The following RASAL2 variants were observed in gnomAD, a reference collection of about 807,000 sequenced individuals.
RASAL2 encodes RAS protein activator like 2, also known as ras GTPase-activating protein nGAP.
RASAL2 carries 58 observed loss-of-function variants against 128.9 expected under a neutral mutation model. The observed-to-expected ratio is 0.45, with a 90% confidence interval of 0.36 to 0.56. The LOEUF (loss-of-function observed/expected upper bound fraction) is 0.56. Among genes scored for constraint, RASAL2 ranks in the 20% least tolerant of loss-of-function variants. The pLI, the probability that RASAL2 is intolerant of heterozygous loss-of-function variation, is 0.00. For synonymous variants in RASAL2, 561 were observed against 580.8 expected (o/e 0.97, Z 0.49); for missense variants, 1,360 against 1,601.6 (o/e 0.85, Z 2.57).
chr1:178,125,960 G>T (rs1194429344), intron 1 of RASAL2, among the ~76,000 whole-genome samples: 3 of 152,198 alleles, frequency 2.0e-5, no homozygotes, highest in African/African-American at 4.8e-5. Flanking sequence ...AAGGGCTGGT[G>T]CTAGGCATTG....
At chr1:178,127,437 A>G (rs1204348692) in intron 1 of RASAL2, among the ~76,000 whole-genome samples, 1 of 152,010 alleles carries the variant, frequency 6.6e-6, no homozygotes, top group Non-Finnish European at 1.5e-5. Flanking sequence ...AACAGCAGTA[A>G]CTCTTTCTTT....
intron 3 of RASAL2, among the ~76,000 whole-genome samples, chr1:178,383,880 G>C (rs1041396067): frequency 1.3e-5 from 2 of 152,194 alleles, no homozygotes; most frequent in Non-Finnish European, 2.9e-5. Flanking sequence ...AGATTATAGT[G>C]AAGTGGACTC....
chr1:178,327,814 G>T (rs1288899931), intron 3 of RASAL2, among the ~76,000 whole-genome samples: 1 of 151,794 alleles, frequency 6.6e-6, no homozygotes, highest in Non-Finnish European at 1.5e-5. Flanking sequence ...GAACATCCTG[G>T]ATATCTAGGT....
intron 12 of RASAL2, 195 bp from the exon 13 acceptor site, chr1:178,456,526 T>G (rs1677784208): frequency 5.9e-6 from 4 of 673,222 alleles, no homozygotes; most frequent in Non-Finnish European, 1.1e-5. Flanking sequence ...TTGTTTCGCC[T>G]CCTCCATTCA....
intron 1 of RASAL2, among the ~76,000 whole-genome samples, chr1:178,194,999 A>G (rs1662612246): frequency 6.6e-6 from 1 of 152,238 alleles, no homozygotes; most frequent in Non-Finnish European, 1.5e-5. Flanking sequence ...TTTGAAGGGT[A>G]ATTTTGAATG....
chr1:178,269,842 T>G (rs904991662), intron 1 of RASAL2, among the ~76,000 whole-genome samples: 4 of 152,192 alleles, frequency 2.6e-5, no homozygotes, highest in Non-Finnish European at 5.9e-5. Flanking sequence ...TTGCTTTCAT[T>G]TTGCACTGCG....
At chr1:178,221,339 T>G (rs1274134095) in intron 1 of RASAL2, among the ~76,000 whole-genome samples, 3 of 152,190 alleles carry the variant, frequency 2.0e-5, no homozygotes, top group Non-Finnish European at 2.9e-5. Context: ...TTTTCTAGTA[T>G]CCTAAGGTAG....
intron 1 of RASAL2, among the ~76,000 whole-genome samples, chr1:178,260,242 A>T (rs1665609844): frequency 6.7e-6 from 1 of 148,766 alleles, no homozygotes; most frequent in South Asian, 2.2e-4. Context: ...AATCCCAGCC[A>T]CTTGGGAGGC....
intron 1 of RASAL2, among the ~76,000 whole-genome samples, chr1:178,172,028 A>G (rs1243929186): frequency 6.6e-6 from 1 of 150,876 alleles, no homozygotes; most frequent in Non-Finnish European, 1.5e-5. Flanking sequence ...CCATTCATTC[A>G]TTCATTGATA....
intron 2 of RASAL2, among the ~76,000 whole-genome samples, chr1:178,287,483 G>T (rs1348632651): frequency 6.6e-6 from 1 of 151,862 alleles, no homozygotes; most frequent in Non-Finnish European, 1.5e-5. Context: ...CCTACTCCTG[G>T]CTATCTACCC....
At chr1:178,345,638 A>C (rs546384179) in intron 3 of RASAL2, among the ~76,000 whole-genome samples, 25 of 152,258 alleles carry the variant, frequency 1.6e-4, no homozygotes, top group African/African-American at 4.8e-4. Flanking sequence ...GAGTCAGATC[A>C]GAGAAGGTAA....
rs557313898 is a variant in RASAL2, at chr1:178,346,485, C to T, written c.458-43615C>T. 1.1e-4 allele frequency among the ~76,000 whole-genome samples: 16 copies of T among 152,074 alleles called. No individual in the cohort carries two copies. The South Asian group carries it at 1.7e-3, about 16-fold the overall frequency. On this transcript the variant is annotated intron_variant, in intron 3 of 17. Transcript: ENST00000367649. ...TATTTTCCTTGAAGCATTTTTCCTC[C>T]ACCTGAAGTCCAGTGAAATGTCACT...
chr1:178,227,608 C>T (rs930766903), intron 1 of RASAL2, among the ~76,000 whole-genome samples: 9 of 152,128 alleles, frequency 5.9e-5, no homozygotes, highest in African/African-American at 1.2e-4. Flanking sequence ...TGTTGTTCCT[C>T]TAGTCCTAAT....
At chr1:178,173,979 T>G (rs1661798218) in intron 1 of RASAL2, among the ~76,000 whole-genome samples, 1 of 151,848 alleles carries the variant, frequency 6.6e-6, no homozygotes. Flanking sequence ...ATTAGTTATT[T>G]CCATATTTAA....
chr1:178,130,837 G>T (rs1252516463), intron 1 of RASAL2, among the ~76,000 whole-genome samples: 1 of 152,042 alleles, frequency 6.6e-6, no homozygotes, highest in Non-Finnish European at 1.5e-5. Flanking sequence ...GGCGGATCAC[G>T]AGGTCAGGAG....
intron 1 of RASAL2, among the ~76,000 whole-genome samples, chr1:178,251,156 G>A (rs1354634262): frequency 6.6e-6 from 1 of 152,090 alleles, no homozygotes; most frequent in Non-Finnish European, 1.5e-5. Context: ...TAACCTTTTC[G>A]TGTCTAAATC....
At chr1:178,138,260 G>C (rs565324168) in intron 1 of RASAL2, among the ~76,000 whole-genome samples, 1 of 152,256 alleles carries the variant, frequency 6.6e-6, no homozygotes, top group South Asian at 2.1e-4. Flanking sequence ...AATAAAAATT[G>C]ATAACCATGC....
intron 3 of RASAL2, among the ~76,000 whole-genome samples, chr1:178,321,537 G>A (rs1401938593): frequency 2.0e-5 from 3 of 150,222 alleles, no homozygotes; most frequent in Non-Finnish European, 4.4e-5. Context: ...CTGGTGTCTC[G>A]CTTTGTGGCT....
At chr1:178,401,959 A>G (rs186734144) in intron 4 of RASAL2, among the ~76,000 whole-genome samples, 5 of 152,324 alleles carry the variant, frequency 3.3e-5, no homozygotes, top group Admixed American at 2.0e-4. Flanking sequence ...TAGAATAGGC[A>G]AAGGAATGAT....
Sources: gnomAD v4.1 joint callset for allele counts (sites outside exome capture counted in the v4.1 genomes callset) on GRCh38, gnomAD v4.1.1 for gene constraint, MANE v1.5 for transcripts, NCBI Gene and HGNC (gene_info 2026-07-23, HGNC 2026-07-21) for gene names.